The following ZNF318 variants were observed in gnomAD, a reference collection of about 807,000 sequenced individuals.
The protein encoded by ZNF318 is endocrine regulator.
A neutral mutation model predicts 124.2 loss-of-function variants in ZNF318; 51 were observed. The observed-to-expected ratio is 0.41, with a 90% CI of 0.33 to 0.52. ZNF318 has a LOEUF of 0.52. ZNF318 is among the 20% of genes least tolerant of loss of function. The pLI is 0.23. For missense variants in ZNF318, 2,815 were observed against 2,811.2 expected (o/e 1.00, Z -0.03); for synonymous variants, 1,090 against 1,040.7 (o/e 1.05, Z -0.91).
chr6:43,355,356 CT>C lies in ZNF318; in HGVS notation c.1977del (p.Val660LeufsTer17). 1 of 1,614,122 alleles carries C rather than the reference CT, an allele frequency of 6.2e-7. No individual in the cohort carries two copies. The highest frequency in any genetic ancestry group is 1.1e-5 in the South Asian group (1 of 91,072). On this transcript the variant is annotated frameshift_variant, in exon 4 of 10. Transcript: ENST00000361428. LOFTEE classifies it high-confidence loss of function. ...CGATCAGCTGAGAAGCAGTGGTCAA[CT>C]GAGGAACAGCGGTCAGCTGAGAAGC... The part of the protein sequence containing the change: ...DHRFSADRCS[S>X]VDHCFSADRR...
chr6:43,342,852 GA>G lies in ZNF318; in HGVS notation c.3099del (p.Arg1034ValfsTer81). 6.2e-7 allele frequency: 1 copy of G among 1,612,796 alleles called. No homozygotes were observed. On this transcript the variant is annotated frameshift_variant, in exon 7 of 10. Transcript: ENST00000361428. LOFTEE classifies it high-confidence loss of function. ...TCGGCAGGCTTGGGGCTCTTAGTAC[GA>G]AACTTCTCATTGTTTACTTTTGATT... ...NKESKVNNEK[F>X]RTKSPKPAES...
Position 43,369,335 on chromosome 6 carries a change from A to G in ZNF318, c.31T>C (p.Ser11Pro). The change falls in exon 1 of 10, where the codon TCT (serine) becomes CCT (proline). Residue 11 changes from serine (S) to proline (P), a missense_variant. Transcript: ENST00000361428. MYRSSARSSV[S>P]SHRPKDDGGG... ...CCGTCGTCTTTAGGCCGGTGGGAAGAGACGGAGGAGCGAGCGCTGCTGCGG... is the reference window on the plus strand; with the variant it reads ...CCGTCGTCTTTAGGCCGGTGGGAAGGGACGGAGGAGCGAGCGCTGCTGCGG... The G allele has an allele frequency of 7.5e-7, 1 of 1,340,366 alleles. No homozygotes were observed. The highest frequency in any genetic ancestry group is 3.4e-5 in the East Asian group (1 of 29,028). 83.0% of individuals were successfully genotyped at this position (1,340,366 alleles called of 1,614,324 possible).
chr6:43,361,365 C>T (rs1275544811), intron 2 of ZNF318, among the ~76,000 whole-genome samples: 1 of 152,100 alleles, frequency 6.6e-6, no homozygotes, highest in South Asian at 2.1e-4. Flanking sequence ...AGGAGACTAG[C>T]CTGGACAACA....
Position 43,338,100 on chromosome 6 carries a change from T to C in ZNF318, c.5898A>G (p.Pro1966=), listed in dbSNP as rs1483611723. 1 of 1,613,688 alleles carries C rather than the reference T, an allele frequency of 6.2e-7. No homozygotes were observed. Among genetic ancestry groups the C allele is most frequent in the Non-Finnish European group, 8.5e-7 (1 of 1,179,924 alleles). ...GTTTCTCTGGGCTCTCCCAGGTCTC[T>C]GGCCTCTTCTTGTTTTCATCCCAAA... is the stretch of plus-strand genomic sequence containing the variant. ...LAVWDENKKR[P]ETWESPEKPK... is the part of the protein sequence containing the mutation. The change falls in exon 10 of 10, where the codon CCA becomes CCG. Residue 1966 remains proline (P), a synonymous_variant. Transcript: ENST00000361428.
intron 5 of ZNF318, 72 bp downstream of exon 5, chr6:43,352,305 G>A: frequency 4.0e-6 from 4 of 1,007,652 alleles, no homozygotes; most frequent in Non-Finnish European, 5.3e-6. Context: ...TACTGAACCT[G>A]TGTGAGAGTA....
chr6:43,361,443 T>C (rs995118711), intron 2 of ZNF318, among the ~76,000 whole-genome samples: 2 of 152,194 alleles, frequency 1.3e-5, no homozygotes, highest in African/African-American at 2.4e-5. Flanking sequence ...GTGCAGCCCA[T>C]AGTCCTAGCT....
intron 6 of ZNF318, among the ~76,000 whole-genome samples, chr6:43,344,209 A>T (rs1005601587): frequency 6.6e-6 from 1 of 152,202 alleles, no homozygotes; most frequent in African/African-American, 2.4e-5. Flanking sequence ...AAATCACACC[A>T]GACAGGCAGG....
chr6:43,338,672 C>G lies in ZNF318; in HGVS notation c.5326G>C (p.Glu1776Gln). 1.2e-6 allele frequency: 2 copies of G among 1,614,176 alleles called. No homozygotes were observed. Among genetic ancestry groups the G allele is most frequent in the Non-Finnish European group, 1.7e-6 (2 of 1,180,044 alleles). The change falls in exon 10 of 10, where the codon GAG becomes CAG. Residue 1776 changes from glutamate (E) to glutamine (Q), a missense_variant. Coordinates refer to ENST00000361428, the MANE Select transcript of ZNF318 (RefSeq NM_014345.3). The part of the protein sequence containing the change: ...KSEDCRESEI[E>Q]TNTELKERVK... The stretch of plus-strand genomic sequence containing the variant: ...CTTTCTTTTAGTTCAGTGTTTGTCT[C>G]TATCTCACTTTCTCTACAATCCTCA...
intron 5 of ZNF318, among the ~76,000 whole-genome samples, chr6:43,350,514 G>A (rs994624269): frequency 6.6e-6 from 1 of 152,128 alleles, no homozygotes; most frequent in African/African-American, 2.4e-5. Context: ...AAGCTAGAAG[G>A]AATGAGGAAC....
At chr6:43,368,624 C>CG in intron 1 of ZNF318, 1 of 971,368 alleles carries the variant, frequency 1.0e-6, no homozygotes, top group Non-Finnish European at 1.2e-6. Flanking sequence ...TACGGAACCC[C>CG]GAGGACACAT....
chr6:43,341,027 A>G, intron 8 of ZNF318, 119 bp from the exon 9 acceptor site: 1 of 714,514 alleles, frequency 1.4e-6, no homozygotes. Context: ...GGCCTTACCC[A>G]CTTTGAAGTC....
intron 6 of ZNF318, among the ~76,000 whole-genome samples, chr6:43,346,454 C>A (rs1229731191): frequency 6.9e-6 from 1 of 143,932 alleles, no homozygotes; most frequent in African/African-American, 2.6e-5. Flanking sequence ...GCACTCCAGT[C>A]TGGGTGACAG....
In ZNF318 at chr6:43,342,096, C is replaced by T; in HGVS notation, c.3376+16G>A. 2 of 1,612,176 alleles carry T rather than the reference C, an allele frequency of 1.2e-6. No individual in the cohort carries two copies. Among genetic ancestry groups the T allele is most frequent in the South Asian group, 2.2e-5 (2 of 91,046 alleles). On this transcript the variant is annotated intron_variant, in intron 8 of 9. Coordinates refer to ENST00000361428, the MANE Select transcript of ZNF318 (RefSeq NM_014345.3). ...GAATGTAAGGAAACCACAAAGGTGG[C>T]AAAAAGGAAACATACCTTTTGCAGG... is the stretch of plus-strand genomic sequence containing the variant.
chr6:43,365,290 A>C lies in ZNF318; in HGVS notation c.548+2T>G, dbSNP rs1581652807. The C allele has an allele frequency of 6.2e-7, 1 of 1,613,696 alleles. No homozygotes were observed. The highest frequency in any genetic ancestry group is 8.5e-7 in the Non-Finnish European group (1 of 1,179,720). On this transcript the variant is annotated splice_donor_variant, in intron 2 of 9. Transcript: ENST00000361428. LOFTEE classifies it high-confidence loss of function. Reference sequence around the variant, plus strand: ...GTAGGCCCTGCCTTAGGTGATGCCTACCTGTCCATGTCTTCCAGATTATCC... The same window carrying C: ...GTAGGCCCTGCCTTAGGTGATGCCTCCCTGTCCATGTCTTCCAGATTATCC...
intron 6 of ZNF318, among the ~76,000 whole-genome samples, chr6:43,346,476 T>C (rs1295663763): frequency 7.0e-6 from 1 of 143,478 alleles, no homozygotes; most frequent in Non-Finnish European, 1.5e-5. Flanking sequence ...GCAAGAACTC[T>C]GTCTCAAAAG....
At chr6:43,360,244 C>T (rs73733533) in intron 2 of ZNF318, among the ~76,000 whole-genome samples, 4,395 of 152,164 alleles carry the variant, frequency 0.029, 205 homozygotes, top group African/African-American at 0.1. Context: ...TTGGAATCTC[C>T]AGTAGAGACA....
Position 43,355,907 on chromosome 6 carries a change from T to A in ZNF318, c.1427A>T (p.His476Leu), listed in dbSNP as rs1267059226. The A allele has an allele frequency of 6.2e-7, 1 of 1,614,210 alleles. No individual in the cohort carries two copies. Among genetic ancestry groups the A allele is most frequent in the East Asian group, 2.2e-5 (1 of 44,888 alleles). Reference protein sequence around the residue: ...LREKFGSFLCHKDNLDLKAEG... With the variant: ...LREKFGSFLCLKDNLDLKAEG... Reference sequence around the variant, plus strand: ...AGCCTTCAAATCCAAATTATCCTTGTGGCATAGAAAACTTCCAAATTTTTC... The same window carrying A: ...AGCCTTCAAATCCAAATTATCCTTGAGGCATAGAAAACTTCCAAATTTTTC... The change falls in exon 4 of 10, where the codon CAC becomes CTC. Residue 476 changes from histidine to leucine, a missense_variant. Around this residue, in one of 4 missense-constraint regions of ZNF318, gnomAD observed 1,377 missense variants for 1,353.5 expected, o/e 1.02. Transcript: ENST00000361428.
intron 8 of ZNF318, among the ~76,000 whole-genome samples, chr6:43,341,479 C>T (rs1368677767): frequency 1.3e-5 from 2 of 151,844 alleles, no homozygotes; most frequent in Non-Finnish European, 2.9e-5. Flanking sequence ...AGTGAAACCC[C>T]GTCTCTACTA....
chr6:43,341,494 T>C (rs760768669), intron 8 of ZNF318, among the ~76,000 whole-genome samples: 2 of 151,598 alleles, frequency 1.3e-5, no homozygotes, highest in African/African-American at 2.4e-5. Flanking sequence ...CTACTAAAAA[T>C]ACAAAAAATA....
Sources: allele counts gnomAD v4.1 joint callset (sites outside exome capture counted in the v4.1 genomes callset), GRCh38; gene constraint gnomAD v4.1.1; regional missense constraint gnomAD v4.1.1; transcripts MANE v1.5; gene names NCBI Gene and HGNC (gene_info 2026-07-23, HGNC 2026-07-21).